UBE2V1: variants seen among roughly 807,000 people sequenced by gnomAD.
UBE2V1 encodes ubiquitin-conjugating enzyme E2 variant 1.
A neutral mutation model predicts 19.6 loss-of-function variants in UBE2V1; 15 were observed. The observed-to-expected ratio is 0.77, with a 90% CI of 0.51 to 1.18. UBE2V1 has a LOEUF of 1.18. UBE2V1 is among the 50% of genes most tolerant of loss of function. The pLI is 0.00. For missense variants in UBE2V1, 125 were observed against 184.8 expected (o/e 0.68, Z 1.88); for synonymous variants, 60 against 60.7 (o/e 0.99, Z 0.05).
intron 1 of UBE2V1, among the ~76,000 whole-genome samples, chr20:50,110,115 AC>A (rs1442913618): frequency 6.6e-6 from 1 of 152,220 alleles, no homozygotes; most frequent in Non-Finnish European, 1.5e-5. Flanking sequence ...ACCAGGGCTT[AC>A]CCCTCTGGCA....
intron 1 of UBE2V1, among the ~76,000 whole-genome samples, chr20:50,100,256 G>C (rs1337066490): frequency 6.7e-6 from 1 of 149,452 alleles, no homozygotes; most frequent in Non-Finnish European, 1.5e-5. Flanking sequence ...ATTCCAGCCT[G>C]GGCAACAGAG....
At chr20:50,112,187 A>G (rs932011858) in intron 1 of UBE2V1, among the ~76,000 whole-genome samples, 8 of 152,186 alleles carry the variant, frequency 5.3e-5, no homozygotes, top group Non-Finnish European at 1.2e-4. Flanking sequence ...TACAGGAAAC[A>G]TCTCCGGAAC....
At chr20:50,086,031 CCGGCACAGCAGCCAGACCAA>C (rs1568970464) in intron 2 of UBE2V1, among the ~76,000 whole-genome samples, 1 of 152,160 alleles carries the variant, frequency 6.6e-6, no homozygotes, top group African/African-American at 2.4e-5. Flanking sequence ...TCTCTTGCTC[CCGGCACAGCAGCCAGACCAA>C]CGTCTTAAAA....
intron 1 of UBE2V1, chr20:50,111,311 G>A: frequency 1.0e-6 from 1 of 991,726 alleles, no homozygotes; most frequent in South Asian, 4.7e-5. Flanking sequence ...AGGGTCTGGA[G>A]AAGTTAGAAC....
At chr20:50,090,733 T>C (rs75921356) in intron 2 of UBE2V1, among the ~76,000 whole-genome samples, 1,642 of 152,290 alleles carry the variant, frequency 0.011, 29 homozygotes, top group African/African-American at 0.038. Flanking sequence ...TAAAGCATGG[T>C]GACTACAGTT....
intron 2 of UBE2V1, among the ~76,000 whole-genome samples, chr20:50,094,002 A>T (rs1473301644): frequency 3.3e-4 from 43 of 129,124 alleles, no homozygotes; most frequent in Non-Finnish European, 4.1e-4. Context: ...AAAAAAAAAA[A>T]AAAAAAAAAA....
chr20:50,090,508 G>C (rs1375607627), intron 2 of UBE2V1, among the ~76,000 whole-genome samples: 2 of 150,458 alleles, frequency 1.3e-5, no homozygotes, highest in African/African-American at 4.9e-5. Context: ...TGCTAGTCAT[G>C]ACAACATAGA....
intron 2 of UBE2V1, 27 bp downstream of exon 2, chr20:50,096,645 C>T (rs1435648944): frequency 2.5e-6 from 4 of 1,611,560 alleles, no homozygotes; most frequent in Non-Finnish European, 3.4e-6. Flanking sequence ...AAGACATTGA[C>T]ATTTATAGCC....
At chr20:50,115,679 C>G, upstream of UBE2V1, 3 of 1,236,868 alleles carry the variant, frequency 2.4e-6, no homozygotes, top group Non-Finnish European at 3.1e-6. Flanking sequence ...GGAAGGGACA[C>G]TAGAAGAGCT....
Position 50,096,706 on chromosome 20 carries a change from G to A in UBE2V1, c.137C>T (p.Thr46Ile), listed in dbSNP as rs1250615614. The A allele has an allele frequency of 6.2e-7, 1 of 1,614,088 alleles. No individual in the cohort carries two copies. The highest frequency in any genetic ancestry group is 1.1e-5 in the South Asian group (1 of 91,066). Reference sequence around the variant, plus strand: ...CCCAATTATCATCCCTGTCCATCTTGTAAGTGTCATGTCTTCGTCATCTTC... The same window carrying A: ...CCCAATTATCATCCCTGTCCATCTTATAAGTGTCATGTCTTCGTCATCTTC... ...GLEDDEDMTLTRWTGMIIGPP... is the reference protein window; with the variant it reads ...GLEDDEDMTLIRWTGMIIGPP... The change falls in exon 2 of 4, where the codon ACA becomes ATA. Residue 46 changes from threonine (T) to isoleucine (I), a missense_variant. Coordinates refer to ENST00000371674, the MANE Select transcript of UBE2V1 (RefSeq NM_001032288.3).
At chr20:50,113,013 G>A (rs1004309998) in intron 1 of UBE2V1, 94 bp downstream of exon 1, 75 of 510,336 alleles carry the variant, frequency 1.5e-4, no homozygotes, top group African/African-American at 1.4e-3. Context: ...GCGGCGCGGG[G>A]ACCCTGGCTC....
intron 2 of UBE2V1, 183 bp downstream of exon 2, chr20:50,096,489 G>C: frequency 1.3e-6 from 2 of 1,488,344 alleles, no homozygotes; most frequent in Non-Finnish European, 1.8e-6. Flanking sequence ...TTACCATTTA[G>C]AGGGGTTAAA....
At chr20:50,115,450 A>G, upstream of UBE2V1, 1 of 1,500,376 alleles carries the variant, frequency 6.7e-7, no homozygotes, top group Non-Finnish European at 9.0e-7. Flanking sequence ...CATCAGTAGC[A>G]AGTGGAAGCA....
Position 50,081,557 on chromosome 20 carries a change from CCAAG to C in UBE2V1, c.*1207_*1210del, listed in dbSNP as rs2078645994. The C allele has an allele frequency of 6.5e-6, 1 of 153,408 alleles. No individual in the cohort carries two copies. Among genetic ancestry groups the C allele is most frequent in the Non-Finnish European group, 1.5e-5 (1 of 68,570 alleles). The allele number at this position is 153,408 out of a possible 1,614,324, so 9.5% of individuals were successfully genotyped here. On this transcript the variant is annotated 3_prime_UTR_variant, in exon 4 of 4. Transcript: ENST00000371674. ...TTGGGAAGCAGCAGCAGCACCAAAACCAAGGCATGCACCGGATTCAAGGTTCTTT... is the reference window on the plus strand; with the variant it reads ...TTGGGAAGCAGCAGCAGCACCAAAACGCATGCACCGGATTCAAGGTTCTTT...
intron 1 of UBE2V1, 138 bp from the exon 2 acceptor site, chr20:50,096,958 A>C: frequency 1.5e-6 from 2 of 1,375,488 alleles, no homozygotes; most frequent in Non-Finnish European, 1.9e-6. Context: ...TCACACCTCA[A>C]ACTTGCTACT....
chr20:50,101,078 A>C (rs2079955991), intron 1 of UBE2V1, among the ~76,000 whole-genome samples: 1 of 152,256 alleles, frequency 6.6e-6, no homozygotes, highest in Non-Finnish European at 1.5e-5. Context: ...GAACCAAAGA[A>C]ATAAGTCAGG....
intron 2 of UBE2V1, among the ~76,000 whole-genome samples, chr20:50,089,013 G>A (rs1339720278): frequency 6.6e-6 from 1 of 152,154 alleles, no homozygotes; most frequent in Admixed American, 6.5e-5. Flanking sequence ...GGGGAGAAGA[G>A]TGGGGATATG....
upstream of UBE2V1, among the ~76,000 whole-genome samples, chr20:50,113,479 C>T (rs2080909594): frequency 6.6e-6 from 1 of 152,172 alleles, no homozygotes; most frequent in African/African-American, 2.4e-5. Context: ...GGGCTTTTTC[C>T]TGTCTAGTTC....
At chr20:50,085,528 CCT>C (rs2078863680) in intron 2 of UBE2V1, among the ~76,000 whole-genome samples, 1 of 152,092 alleles carries the variant, frequency 6.6e-6, no homozygotes, top group South Asian at 2.1e-4. Flanking sequence ...TGTGGGTTCC[CCT>C]GTCAGGCATC....
Sources: allele counts gnomAD v4.1 joint callset (sites outside exome capture counted in the v4.1 genomes callset), GRCh38; gene constraint gnomAD v4.1.1; transcripts MANE v1.5; gene names NCBI Gene and HGNC (gene_info 2026-07-23, HGNC 2026-07-21).